Variants in LINGO2 observed in about 807,000 individuals in gnomAD.
The protein encoded by LINGO2 is leucine rich repeat and Ig domain containing 2, also known as leucine-rich repeat and immunoglobulin-like domain-containing nogo receptor-interacting protein 2.
In LINGO2, 14 loss-of-function variants were observed where a neutral mutation model predicts 30.6. The observed-to-expected ratio is 0.46, with a 90% CI of 0.30 to 0.72. The LOEUF is 0.72. LINGO2 is among the 30% of genes least tolerant of loss of function. The pLI is 0.07. For missense variants in LINGO2, 729 were observed against 751.7 expected (o/e 0.97, Z 0.35); for synonymous variants, 317 against 288.5 (o/e 1.10, Z -1.00).
chr9:28,018,192 T>A (rs1280229892), intron 4 of LINGO2, among the ~76,000 whole-genome samples: 1 of 152,124 alleles, frequency 6.6e-6, no homozygotes, highest in Non-Finnish European at 1.5e-5. Flanking sequence ...CCTTACACCA[T>A]ATCCCAAAAC....
At chr9:28,633,230 C>A (rs1159523306) in intron 1 of LINGO2, among the ~76,000 whole-genome samples, 2 of 152,072 alleles carry the variant, frequency 1.3e-5, no homozygotes, top group South Asian at 2.1e-4. Flanking sequence ...TTGGCGATAC[C>A]CATACAGACA....
intron 1 of LINGO2, among the ~76,000 whole-genome samples, chr9:28,628,927 G>C (rs11999671): frequency 0.099 from 15,021 of 152,022 alleles, 1,044 homozygotes; most frequent in Admixed American, 0.24. Flanking sequence ...TGAATCTCTG[G>C]AGATACCCAG....
At chr9:28,896,643 G>A in the LINGO2 span, among the ~76,000 whole-genome samples, 2 of 151,992 alleles carry the variant, frequency 1.3e-5, no homozygotes, top group Non-Finnish European at 2.9e-5. Context: ...TTGGCTAGAA[G>A]GCCATTTATT....
chr9:28,991,798 T>C, the LINGO2 span, among the ~76,000 whole-genome samples: 3 of 148,118 alleles, frequency 2.0e-5, no homozygotes, highest in Admixed American at 6.8e-5. Context: ...TAAAATACTT[T>C]ACAGACAAGC....
chr9:28,231,437 T>C (rs1342987523), intron 4 of LINGO2, among the ~76,000 whole-genome samples: 1 of 152,072 alleles, frequency 6.6e-6, no homozygotes, highest in Non-Finnish European at 1.5e-5. Flanking sequence ...TTATAAATAC[T>C]AAAGGATTCT....
intron 4 of LINGO2, among the ~76,000 whole-genome samples, chr9:28,175,094 G>A (rs1052739354): frequency 1.3e-5 from 2 of 152,082 alleles, no homozygotes; most frequent in Non-Finnish European, 2.9e-5. Flanking sequence ...TTCATTTCAT[G>A]TATAGCAGTT....
chr9:29,119,575 ATCTTT>A, the LINGO2 span, among the ~76,000 whole-genome samples: 4 of 135,690 alleles, frequency 2.9e-5, no homozygotes, highest in Non-Finnish European at 6.2e-5. Context: ...AACAGTTGTC[ATCTTT>A]TTTTTTTTTT....
At chr9:28,674,866 C>T (rs759771256), upstream of LINGO2, among the ~76,000 whole-genome samples, 2 of 152,054 alleles carry the variant, frequency 1.3e-5, no homozygotes, top group Non-Finnish European at 2.9e-5. Context: ...TCCAACAGAT[C>T]GGCAGCCTCT....
chr9:28,696,937 T>TAA, the LINGO2 span, among the ~76,000 whole-genome samples: 1 of 151,910 alleles, frequency 6.6e-6, no homozygotes, highest in African/African-American at 2.4e-5. Context: ...TTGGCATACT[T>TAA]ACTTTGCTTC....
At chr9:28,321,091 A>G (rs1422424382) in intron 3 of LINGO2, among the ~76,000 whole-genome samples, 3 of 152,126 alleles carry the variant, frequency 2.0e-5, no homozygotes, top group Admixed American at 1.3e-4. Context: ...TCATGCAATC[A>G]CATTCATTCT....
At chr9:28,772,019 C>T in the LINGO2 span, among the ~76,000 whole-genome samples, 1 of 152,080 alleles carries the variant, frequency 6.6e-6, no homozygotes, top group Non-Finnish European at 1.5e-5. Context: ...TCTGAAATAC[C>T]TAGCACAGTG....
intron 1 of LINGO2, among the ~76,000 whole-genome samples, chr9:28,639,363 C>T (rs952677149): frequency 2.6e-4 from 40 of 152,092 alleles, no homozygotes; most frequent in Admixed American, 4.6e-4. Flanking sequence ...GAGTTCAATT[C>T]CTGGGTATCC....
chr9:28,783,831 C>T, the LINGO2 span, among the ~76,000 whole-genome samples: 1 of 152,140 alleles, frequency 6.6e-6, no homozygotes, highest in Admixed American at 6.5e-5. Context: ...GGAAGCTGCA[C>T]AGTTCAAGAT....
At position 28,600,957 on chromosome 9, in the gene LINGO2, A is replaced by C. The variant is rs138755067; in HGVS notation, c.-365+69243T>G. On this transcript the variant is annotated intron_variant, in intron 1 of 5. Transcript: ENST00000379992. ...AACAAAATGGAAATAAGAGAAAAAA[A>C]TTGAGAACAAAAATAAAAATTAATA... 3.8e-3 allele frequency among the ~76,000 whole-genome samples: 585 copies of C among 152,300 alleles called. 7 individuals carry two copies. Among genetic ancestry groups the C allele is most frequent in the African/African-American group, 0.013 (560 of 41,564 alleles).
chr9:28,937,426 T>C, the LINGO2 span, among the ~76,000 whole-genome samples: 8 of 152,192 alleles, frequency 5.3e-5, no homozygotes, highest in African/African-American at 7.2e-5. Context: ...AAGACAGAAA[T>C]TGGAATAAAG....
At chr9:27,948,670 T>A in exon 6 of LINGO2, 3 of 690,268 alleles carry the variant, frequency 4.3e-6, no homozygotes, top group Admixed American at 2.5e-5. Context: ...CTCTGACACA[T>A]GCCTGCCTGC....
At position 28,650,910 on chromosome 9, in the gene LINGO2, G is replaced by T. The variant is rs183589123; in HGVS notation, c.-365+19290C>A. 2.0e-5 allele frequency among the ~76,000 whole-genome samples: 3 copies of T among 152,288 alleles called. No individual in the cohort carries two copies. In the East Asian group the frequency reaches 5.8e-4, roughly 29 times the overall value. ...ATATGTGATATATTTGAAAATTATG[G>T]CTGGATGCGATGGCTTACGCCTGTA... On this transcript the variant is annotated intron_variant, in intron 1 of 5. Transcript: ENST00000379992.
intron 1 of LINGO2, among the ~76,000 whole-genome samples, chr9:28,517,360 T>C (rs929989085): frequency 1.3e-5 from 2 of 152,202 alleles, no homozygotes; most frequent in African/African-American, 4.8e-5. Flanking sequence ...TCTAACAGAC[T>C]TTCTAGGAAG....
At chr9:29,103,338 T>C in the LINGO2 span, among the ~76,000 whole-genome samples, 73 of 144,910 alleles carry the variant, frequency 5.0e-4, no homozygotes, top group African/African-American at 1.6e-3. Context: ...CAATGGACTT[T>C]AAGACTGATT....
Sources: gnomAD v4.1 joint callset for allele counts (sites outside exome capture counted in the v4.1 genomes callset) on GRCh38, gnomAD v4.1.1 for gene constraint, MANE v1.5 for transcripts, NCBI Gene and HGNC (gene_info 2026-07-23, HGNC 2026-07-21) for gene names.